HMBOX1: variants seen among roughly 807,000 people sequenced by gnomAD.
HMBOX1 encodes homeobox containing 1.
In HMBOX1, 14 loss-of-function variants were observed where a neutral mutation model predicts 54.5. The observed-to-expected ratio is 0.26, with a 90% CI of 0.17 to 0.40. The LOEUF is 0.40. Ranked by LOEUF, HMBOX1 falls within the 10% of genes least tolerant of loss-of-function variation. HMBOX1 has a pLI of 1.00. For synonymous variants in HMBOX1, 160 were observed against 181.0 expected (o/e 0.88, Z 0.93); for missense variants, 332 against 514.4 (o/e 0.65, Z 3.43).
chr8:28,989,262 A>C (rs1830603500), intron 4 of HMBOX1, among the ~76,000 whole-genome samples: 1 of 152,094 alleles, frequency 6.6e-6, no homozygotes. Context: ...ACAAGAGTGA[A>C]ACTCTGTCTC....
At chr8:28,933,378 C>T (rs117454654) in intron 1 of HMBOX1, among the ~76,000 whole-genome samples, 3,964 of 152,190 alleles carry the variant, frequency 0.026, 64 homozygotes, top group Non-Finnish European at 0.039. Context: ...GCCAAATAAG[C>T]GATCTGAGCT....
chr8:29,004,065 TG>T (rs1372994596), intron 4 of HMBOX1, among the ~76,000 whole-genome samples: 1 of 151,952 alleles, frequency 6.6e-6, no homozygotes, highest in African/African-American at 2.4e-5. Context: ...TGTAAGAGTG[TG>T]GGGGGAAAGT....
intron 1 of HMBOX1, among the ~76,000 whole-genome samples, chr8:28,960,969 TAGAG>T (rs983626923): frequency 3.3e-5 from 5 of 151,632 alleles, no homozygotes; most frequent in African/African-American, 1.2e-4. Context: ...GTGTTTTTGG[TAGAG>T]ACGGGGTTTC....
At chr8:29,044,791 GA>G (rs1253953345) in intron 6 of HMBOX1, among the ~76,000 whole-genome samples, 1 of 152,108 alleles carries the variant, frequency 6.6e-6, no homozygotes, top group Non-Finnish European at 1.5e-5. Flanking sequence ...TCAGTGGACA[GA>G]ACTCTAACTT....
chr8:28,922,486 C>T (rs1817724426), intron 1 of HMBOX1, among the ~76,000 whole-genome samples: 1 of 152,140 alleles, frequency 6.6e-6, no homozygotes, highest in Non-Finnish European at 1.5e-5. Context: ...TTTGCAAAAT[C>T]AAATCTGTGC....
At chr8:28,900,291 T>TA (rs1554519282) in intron 1 of HMBOX1, among the ~76,000 whole-genome samples, 7 of 143,696 alleles carry the variant, frequency 4.9e-5, no homozygotes, top group Non-Finnish European at 9.1e-5. Context: ...TATATATATA[T>TA]TTTGTTTCCT....
intron 1 of HMBOX1, among the ~76,000 whole-genome samples, chr8:28,936,469 T>A (rs1370756418): frequency 1.3e-5 from 2 of 152,162 alleles, no homozygotes; most frequent in East Asian, 3.8e-4. Flanking sequence ...TAGAGTACTT[T>A]TTGCCTAGAA....
At chr8:29,016,458 T>C (rs1021186238) in intron 5 of HMBOX1, among the ~76,000 whole-genome samples, 2 of 152,182 alleles carry the variant, frequency 1.3e-5, no homozygotes, top group Admixed American at 6.5e-5. Flanking sequence ...AATAAACAAC[T>C]GAGGATGATT....
chr8:28,958,826 G>T (rs1824947499), intron 1 of HMBOX1, among the ~76,000 whole-genome samples: 1 of 151,742 alleles, frequency 6.6e-6, no homozygotes, highest in African/African-American at 2.4e-5. Flanking sequence ...GTTTAAAATG[G>T]CTAAGTTTTA....
intron 4 of HMBOX1, among the ~76,000 whole-genome samples, chr8:28,982,341 G>C (rs1586261385): frequency 6.6e-6 from 1 of 152,184 alleles, no homozygotes; most frequent in Admixed American, 6.5e-5. Context: ...TATTCTAGGA[G>C]ACTGGTAAAC....
chr8:28,960,789 T>C (rs1444013291), intron 1 of HMBOX1, among the ~76,000 whole-genome samples: 3 of 94,712 alleles, frequency 3.2e-5, no homozygotes, highest in Admixed American at 3.2e-4. Context: ...TTTTTTTTTT[T>C]TTTTTTTTTT....
chr8:28,982,381 A>G (rs551157740), intron 4 of HMBOX1, among the ~76,000 whole-genome samples: 1 of 152,232 alleles, frequency 6.6e-6, no homozygotes, highest in Non-Finnish European at 1.5e-5. Flanking sequence ...GTGGATTGGC[A>G]TTACCTCACT....
In HMBOX1 at chr8:28,955,327, C is replaced by T. The variant is rs184695852; in HGVS notation, c.-57-8484C>T. Among the ~76,000 whole-genome samples the T allele has an allele frequency of 1.4e-3, 219 of 152,178 alleles. 3 individuals carry two copies. The highest frequency in any genetic ancestry group is 0.013 in the Admixed American group (193 of 15,292). On this transcript the variant is annotated intron_variant, in intron 1 of 9. Transcript: ENST00000287701. ...CCTATACGCACACCCATTCTTCACC[C>T]CAGTTCCTTTACGTGTTGCCCACCT... is the stretch of plus-strand genomic sequence containing the variant.
At chr8:29,046,650 G>A (rs923305494) in intron 7 of HMBOX1, among the ~76,000 whole-genome samples, 1 of 152,234 alleles carries the variant, frequency 6.6e-6, no homozygotes, top group Non-Finnish European at 1.5e-5. Flanking sequence ...CCTTAAAGAT[G>A]TAAGTAAATT....
rs1826753067 is a variant in HMBOX1 at position 28,968,110 on chromosome 8, A to G, written c.24-1933A>G. 2.0e-5 allele frequency among the ~76,000 whole-genome samples: 3 copies of G among 152,344 alleles called. No homozygotes were observed. In the South Asian group the frequency reaches 6.2e-4, roughly 32 times the overall value. On this transcript the variant is annotated intron_variant, in intron 2 of 9. Transcript: ENST00000287701. The stretch of plus-strand genomic sequence containing the variant: ...TTCATATGGAAATTGTGTATATGAT[A>G]AAGGCAGCATTTCACATCGGAGGAG...
intron 1 of HMBOX1, among the ~76,000 whole-genome samples, 194 bp from the exon 2 acceptor site, chr8:28,963,617 G>A (rs887626358): frequency 1.8e-4 from 28 of 152,030 alleles, no homozygotes; most frequent in Admixed American, 1.2e-3. Flanking sequence ...ACCATTTTTT[G>A]TTAAGATCTG....
At chr8:28,984,248 T>G (rs1313687538) in intron 4 of HMBOX1, among the ~76,000 whole-genome samples, 2 of 152,240 alleles carry the variant, frequency 1.3e-5, no homozygotes, top group South Asian at 4.1e-4. Context: ...TAGGATGTGG[T>G]TCTCCTGAAT....
Position 29,051,230 on chromosome 8 carries a change from T to C in HMBOX1, c.*75T>C. On this transcript the variant is annotated 3_prime_UTR_variant, in exon 10 of 10. Transcript: ENST00000287701. ...AGCAGACTTTCCTCGGTCCTTAACA[T>C]GTGTTCTTACAGTATAACTTGCAGT... The C allele has an allele frequency of 6.6e-7, 1 of 1,515,724 alleles. No individual in the cohort carries two copies. Among genetic ancestry groups the C allele is most frequent in the East Asian group, 2.2e-5 (1 of 44,458 alleles). 93.9% of individuals were successfully genotyped at this position (1,515,724 alleles called of 1,614,324 possible).
chr8:28,957,027 A>G (rs1486261353), intron 1 of HMBOX1, among the ~76,000 whole-genome samples: 3 of 152,214 alleles, frequency 2.0e-5, no homozygotes, highest in Non-Finnish European at 4.4e-5. Flanking sequence ...CAATTTGGAG[A>G]GTCCTCAAAG....
Sources: gnomAD v4.1 joint callset for allele counts (sites outside exome capture counted in the v4.1 genomes callset) on GRCh38, gnomAD v4.1.1 for gene constraint, MANE v1.5 for transcripts, NCBI Gene and HGNC (gene_info 2026-07-23, HGNC 2026-07-21) for gene names.